PCGF5: variants seen among roughly 807,000 people sequenced by gnomAD.
The protein encoded by PCGF5 is polycomb group RING finger protein 5.
A neutral mutation model predicts 44.3 loss-of-function variants in PCGF5; 9 were observed. The ratio of observed to expected loss-of-function variants is 0.20; its 90% CI spans 0.12 to 0.35. The LOEUF is 0.35. Among genes scored for constraint, PCGF5 ranks in the 10% least tolerant of loss-of-function variants. The pLI, the probability that PCGF5 is intolerant of heterozygous loss-of-function variation, is 1.00. For missense variants in PCGF5, 146 were observed against 305.3 expected (o/e 0.48, Z 3.89); for synonymous variants, 95 against 102.5 (o/e 0.93, Z 0.44).
chr10:91,204,007 GTT>G (rs139659649), intron 1 of PCGF5, among the ~76,000 whole-genome samples: 1,931 of 152,234 alleles, frequency 0.013, 21 homozygotes, highest in African/African-American at 0.031. Context: ...TTATTGTTGA[GTT>G]TGTGAAGCAT....
intron 1 of PCGF5, among the ~76,000 whole-genome samples, chr10:91,167,432 C>A (rs1296193439): frequency 1.3e-5 from 2 of 152,130 alleles, no homozygotes; most frequent in African/African-American, 4.8e-5. Flanking sequence ...AAGACTATTT[C>A]TAGCCAGAAA....
intron 1 of PCGF5, among the ~76,000 whole-genome samples, chr10:91,182,635 A>G (rs1843843219): frequency 6.6e-6 from 1 of 151,990 alleles, no homozygotes; most frequent in Non-Finnish European, 1.5e-5. Flanking sequence ...TTGTGATGTT[A>G]AGTTGTTAAC....
At chr10:91,195,632 T>C (rs951639669) in intron 1 of PCGF5, among the ~76,000 whole-genome samples, 15 of 145,122 alleles carry the variant, frequency 1.0e-4, no homozygotes, top group Non-Finnish European at 2.1e-4. Context: ...GATGAGGTTC[T>C]CACTGTGTTA....
rs1846449615 is a variant in PCGF5 at position 91,281,375 on chromosome 10, GATTA to G, written c.*3060_*3063del. 1.3e-5 allele frequency: 2 copies of G among 152,392 alleles called. No homozygotes were observed. The highest frequency in any genetic ancestry group is 4.2e-4 in the South Asian group (2 of 4,814). The allele number at this position is 152,392 out of a possible 1,614,324, so 9.4% of individuals were successfully genotyped here. ...CTCAAATGTAATCTAAATTTAAACT[GATTA>G]TTTAAGGAAAAAAAGTGTGTTATAT... is the stretch of plus-strand genomic sequence containing the variant. On this transcript the variant is annotated 3_prime_UTR_variant, in exon 10 of 10. Transcript: ENST00000336126.
intron 8 of PCGF5, 83 bp from the exon 9 acceptor site, chr10:91,271,554 AC>A: frequency 9.4e-7 from 1 of 1,062,414 alleles, no homozygotes; most frequent in South Asian, 1.6e-5. Context: ...CTTGTGTTTG[AC>A]GTTAAACTAT....
At position 91,186,098 on chromosome 10, in the gene PCGF5, G is replaced by A. The variant is rs573043423; in HGVS notation, c.-184+23017G>A. Among the ~76,000 whole-genome samples the A allele has an allele frequency of 5.3e-5, 8 of 152,264 alleles. No individual in the cohort carries two copies. In the South Asian group the frequency reaches 1.7e-3, roughly 32 times the overall value. ...ATTGATGACATCTTGAATTTCCTGT[G>A]CAGTAATTTTAGAGCTCAAGTTCAA... On this transcript the variant is annotated intron_variant, in intron 1 of 9. Coordinates refer to the PCGF5 transcript ENST00000614189.
At chr10:91,197,376 C>T (rs751307723) in intron 1 of PCGF5, among the ~76,000 whole-genome samples, 1 of 152,164 alleles carries the variant, frequency 6.6e-6, no homozygotes, top group Non-Finnish European at 1.5e-5. Flanking sequence ...GATGGCTGCA[C>T]AGACGTATAT....
intron 2 of PCGF5, among the ~76,000 whole-genome samples, chr10:91,230,988 A>G (rs1024715919): frequency 9.2e-5 from 14 of 152,050 alleles, no homozygotes; most frequent in African/African-American, 3.4e-4. Flanking sequence ...GGACTCAAGC[A>G]ATCCTCCCAC....
chr10:91,167,366 A>C (rs569558951), intron 1 of PCGF5, among the ~76,000 whole-genome samples: 1 of 152,218 alleles, frequency 6.6e-6, no homozygotes. Flanking sequence ...GCTGTTTTAC[A>C]TGGGAGAACT....
chr10:91,188,757 A>G (rs1334332217), intron 1 of PCGF5, among the ~76,000 whole-genome samples: 1 of 152,098 alleles, frequency 6.6e-6, no homozygotes, highest in Non-Finnish European at 1.5e-5. Flanking sequence ...TCCTTGTCTG[A>G]GAAAAAAGTC....
At chr10:91,264,610 A>G in intron 8 of PCGF5, 90 bp downstream of exon 8, 1 of 1,007,908 alleles carries the variant, frequency 9.9e-7, no homozygotes, top group Non-Finnish European at 1.4e-6. Flanking sequence ...TAAAAAAGAC[A>G]AACTAGCTTG....
chr10:91,230,001 ATAAT>A (rs1844956745), intron 2 of PCGF5, among the ~76,000 whole-genome samples: 1 of 152,182 alleles, frequency 6.6e-6, no homozygotes, highest in South Asian at 2.1e-4. Context: ...ATAAGAAAGA[ATAAT>A]TATAGGTCTT....
chr10:91,225,289 C>CATATATATAACAT (rs540265947), intron 2 of PCGF5, among the ~76,000 whole-genome samples: 1 of 145,610 alleles, frequency 6.9e-6, no homozygotes, highest in African/African-American at 2.5e-5. Context: ...TCATATATAA[C>CATATATATAACAT]ATATATATAA....
In PCGF5 at chr10:91,264,544, A is replaced by G. The variant is rs774266135; in HGVS notation, c.663+24A>G. The G allele has an allele frequency of 1.2e-5, 18 of 1,532,858 alleles. No homozygotes were observed. In the African/African-American group the frequency reaches 2.2e-4, roughly 19 times the overall value. The allele number at this position is 1,532,858 out of a possible 1,614,324, so 95.0% of individuals were successfully genotyped here. A position where few individuals can be genotyped will look rare whatever the true frequency, so the allele number is the denominator to read the frequency against. On this transcript the variant is annotated intron_variant, in intron 8 of 9. Transcript: ENST00000336126. ...ACGTAAATTGCTTTTATATTTACCT[A>G]TGTGTTTATTTAGTTATATACCATT...
intron 7 of PCGF5, among the ~76,000 whole-genome samples, chr10:91,263,232 T>G (rs1845968611): frequency 6.6e-6 from 1 of 152,198 alleles, no homozygotes; most frequent in South Asian, 2.1e-4. Flanking sequence ...TAAACGACAT[T>G]AACAGATGCA....
intron 2 of PCGF5, among the ~76,000 whole-genome samples, chr10:91,238,075 GTAAT>G (rs1471864853): frequency 6.6e-6 from 1 of 152,136 alleles, no homozygotes. Flanking sequence ...ATTTCAAAAT[GTAAT>G]TAATATAAAA....
At chr10:91,161,265 G>A (rs1459138775), upstream of PCGF5, among the ~76,000 whole-genome samples, 1 of 152,210 alleles carries the variant, frequency 6.6e-6, no homozygotes, top group Admixed American at 6.5e-5. Context: ...TTCAACACTT[G>A]TAACTAATTT....
chr10:91,227,619 C>G, intron 2 of PCGF5: 2 of 1,131,956 alleles, frequency 1.8e-6, no homozygotes, highest in Non-Finnish European at 2.2e-6. Context: ...TTAACTGTGT[C>G]CAAGTGGTAA....
intron 1 of PCGF5, among the ~76,000 whole-genome samples, chr10:91,177,027 C>T (rs1366169725): frequency 1.3e-5 from 2 of 152,192 alleles, no homozygotes; most frequent in South Asian, 2.1e-4. Flanking sequence ...TTTTCCCCAT[C>T]TTTGTGGTTT....
Sources: gnomAD v4.1 joint callset for allele counts (sites outside exome capture counted in the v4.1 genomes callset) on GRCh38, gnomAD v4.1.1 for gene constraint, MANE v1.5 for transcripts, NCBI Gene and HGNC (gene_info 2026-07-23, HGNC 2026-07-21) for gene names.